NIBAN2: variants seen among roughly 807,000 people sequenced by gnomAD.
NIBAN2 encodes niban apoptosis regulator 2.
Under a neutral mutation model 81.8 loss-of-function variants are expected in NIBAN2, and 36 were observed. That is an observed-to-expected ratio of 0.44 (90% CI 0.34 to 0.58). The LOEUF (loss-of-function observed/expected upper bound fraction) is 0.58. Ranked by LOEUF, NIBAN2 falls within the 20% of genes least tolerant of loss-of-function variation. The pLI, the probability that NIBAN2 is intolerant of heterozygous loss-of-function variation, is 0.02. For missense variants in NIBAN2, 897 were observed against 1,014.1 expected, an observed-to-expected ratio of 0.88 and a Z score of 1.57; for synonymous variants, 445 against 441.6, an observed-to-expected ratio of 1.01 and a Z score of -0.10.
At chr9:127,560,100 G>T (rs1837744053) in intron 1 of NIBAN2, among the ~76,000 whole-genome samples, 1 of 152,206 alleles carries the variant, frequency 6.6e-6, no homozygotes, top group Non-Finnish European at 1.5e-5. Flanking sequence ...CCCTTGGAGG[G>T]GAAGAAGGTT....
At chr9:127,552,414 AT>A (rs1554768613) in intron 1 of NIBAN2, among the ~76,000 whole-genome samples, 4 of 151,892 alleles carry the variant, frequency 2.6e-5, no homozygotes, top group African/African-American at 9.7e-5. Context: ...CTCTACGAAA[AT>A]TTTTTTAAAA....
chr9:127,508,606 G>A lies in NIBAN2; in HGVS notation c.1318-68C>T. On this transcript the variant is annotated intron_variant, in intron 10 of 13. Transcript: ENST00000373312. The surrounding 1 kb of genome is among the most constrained non-coding windows in gnomAD (Gnocchi z 6.4). Reference sequence around the variant, plus strand: ...ACAGCCCCTTCCTGGGTGCCGCTGAGGGGTCCTCATCCTCAACCAGCCCCC... The same window carrying A: ...ACAGCCCCTTCCTGGGTGCCGCTGAAGGGTCCTCATCCTCAACCAGCCCCC... 3 of 1,339,810 alleles carry A rather than the reference G, an allele frequency of 2.2e-6. No individual in the cohort carries two copies. The highest frequency in any genetic ancestry group is 2.3e-5 in the East Asian group (1 of 43,628). The allele number at this position is 1,339,810 out of a possible 1,614,324, so 83.0% of individuals were successfully genotyped here. A position where few individuals can be genotyped will look rare whatever the true frequency, so the allele number is the denominator to read the frequency against.
At chr9:127,560,479 C>A (rs1837753983) in intron 1 of NIBAN2, among the ~76,000 whole-genome samples, 1 of 152,106 alleles carries the variant, frequency 6.6e-6, no homozygotes, top group Non-Finnish European at 1.5e-5. Context: ...ACCCTAAGGA[C>A]AAAGGCCCTT....
intron 3 of NIBAN2, among the ~76,000 whole-genome samples, chr9:127,525,966 A>C (rs1837054915): frequency 6.6e-6 from 1 of 152,186 alleles, no homozygotes; most frequent in South Asian, 2.1e-4. Flanking sequence ...AATAGCTCAT[A>C]CAGCAGGGCT....
intron 1 of NIBAN2, among the ~76,000 whole-genome samples, chr9:127,544,142 C>G (rs1837429591): frequency 6.6e-6 from 1 of 152,194 alleles, no homozygotes; most frequent in Admixed American, 6.5e-5. Flanking sequence ...CTGGGACATT[C>G]CTTGCTCGAC....
chr9:127,513,930 G>A (rs1394317356), intron 8 of NIBAN2, among the ~76,000 whole-genome samples: 3 of 152,132 alleles, frequency 2.0e-5, no homozygotes, highest in Non-Finnish European at 4.4e-5. Flanking sequence ...TAGCGCAACA[G>A]GGTGACTATA....
At position 127,506,697 on chromosome 9, in the gene NIBAN2, A is replaced by C; in HGVS notation, c.*148T>G. ...TTGACTGAACCCAATAAAGTGACTC[A>C]GGTGGGCCCGCTCCCTGGCGGTGCC... On this transcript the variant is annotated 3_prime_UTR_variant, in exon 14 of 14. Coordinates refer to ENST00000373312, the MANE Select transcript of NIBAN2 (RefSeq NM_022833.4). The C allele has an allele frequency of 7.0e-6, 4 of 568,370 alleles. No homozygotes were observed. Among genetic ancestry groups the C allele is most frequent in the Non-Finnish European group, 1.2e-5 (4 of 338,124 alleles). 35.2% of individuals were successfully genotyped at this position (568,370 alleles called of 1,614,324 possible).
upstream of NIBAN2, among the ~76,000 whole-genome samples, chr9:127,572,558 T>C (rs1286618166): frequency 6.6e-6 from 1 of 152,046 alleles, no homozygotes; most frequent in Non-Finnish European, 1.5e-5. Flanking sequence ...GAGGAGATGA[T>C]GCCTTGGGAC....
At position 127,565,782 on chromosome 9, in the gene NIBAN2, CAAAAAAAAAAAAA is replaced by C. The variant is rs34713108; in HGVS notation, c.55+3025_55+3037del. 3.7e-3 allele frequency among the ~76,000 whole-genome samples: 263 copies of C among 70,868 alleles called. 3 individuals carry two copies. The highest frequency in any genetic ancestry group is 6.2e-3 in the Non-Finnish European group (234 of 37,908). 46.5% of individuals were successfully genotyped at this position (70,868 alleles called of 152,430 possible). A position where few individuals can be genotyped will look rare whatever the true frequency, so the allele number is the denominator to read the frequency against. On this transcript the variant is annotated intron_variant, in intron 1 of 13. Coordinates refer to ENST00000373312, the MANE Select transcript of NIBAN2 (RefSeq NM_022833.4). ...TGGGACAGAGAGTGAGACTCTGTCT[CAAAAAAAAAAAAA>C]AAAAAAAAGATGTTAGTTCATGGGC... is the stretch of plus-strand genomic sequence containing the variant.
intron 1 of NIBAN2, among the ~76,000 whole-genome samples, chr9:127,578,351 T>G: frequency 3.7e-5 from 3 of 81,782 alleles, no homozygotes; most frequent in African/African-American, 5.9e-5. Flanking sequence ...TGAGACTTGG[T>G]CTCAAAAAAA....
intron 3 of NIBAN2, 33 bp from the exon 4 acceptor site, chr9:127,525,196 T>G (rs1588162202): frequency 1.3e-6 from 2 of 1,571,876 alleles, no homozygotes; most frequent in African/African-American, 1.4e-5. Flanking sequence ...TCCCTGAGGG[T>G]TAAGGTGCGG....
At chr9:127,524,742 A>G (rs4836565) in intron 4 of NIBAN2, 10,453 of 267,740 alleles carry the variant, frequency 0.039, 305 homozygotes, top group Non-Finnish European at 0.055. Context: ...AGAGAGGCCA[A>G]TGTTGTTCCC....
rs914902266 is a variant in NIBAN2 at position 127,508,318 on chromosome 9, A to G, written c.1434+104T>C. The G allele has an allele frequency of 4.8e-5, 63 of 1,312,700 alleles. No homozygotes were observed. Among genetic ancestry groups the G allele is most frequent in the Non-Finnish European group, 6.6e-5 (61 of 918,694 alleles). 81.3% of individuals were successfully genotyped at this position (1,312,700 alleles called of 1,614,324 possible). ...GAGTCCTCATCCGCACAAGAGGACCATGGCGCCTCCTTGCAGGGACAGCAA... is the reference window on the plus strand; with the variant it reads ...GAGTCCTCATCCGCACAAGAGGACCGTGGCGCCTCCTTGCAGGGACAGCAA... On this transcript the variant is annotated intron_variant, in intron 11 of 13. Transcript: ENST00000373312. This position sits in a 1 kb window ranked among gnomAD's most constrained non-coding sequence, Gnocchi z 6.4.
intron 1 of NIBAN2, among the ~76,000 whole-genome samples, chr9:127,554,409 C>T (rs369151073): frequency 6.6e-6 from 1 of 152,188 alleles, no homozygotes; most frequent in African/African-American, 2.4e-5. Flanking sequence ...TCCCTCTTCC[C>T]CGCTCCGGAG....
chr9:127,535,165 C>A (rs577248716), intron 1 of NIBAN2, among the ~76,000 whole-genome samples: 150 of 152,356 alleles, frequency 9.8e-4, no homozygotes, highest in African/African-American at 3.5e-3. Context: ...CCCAGTGCAC[C>A]CAGCCCACAG....
chr9:127,534,707 G>T (rs547595185), intron 1 of NIBAN2, among the ~76,000 whole-genome samples: 4 of 151,994 alleles, frequency 2.6e-5, no homozygotes, highest in African/African-American at 4.8e-5. Flanking sequence ...ATTCCAGTTT[G>T]GGGGGAGGAA....
intron 8 of NIBAN2, among the ~76,000 whole-genome samples, chr9:127,514,524 G>A (rs1302629618): frequency 6.6e-6 from 1 of 152,192 alleles, no homozygotes; most frequent in Non-Finnish European, 1.5e-5. Flanking sequence ...TTAGCTAGAA[G>A]TAGACAAAAA....
In NIBAN2 at chr9:127,527,236, G is replaced by C; in HGVS notation, c.273C>G (p.Leu91=). 2 of 1,614,050 alleles carry C rather than the reference G, an allele frequency of 1.2e-6. No individual in the cohort carries two copies. The highest frequency in any genetic ancestry group is 1.7e-6 in the Non-Finnish European group (2 of 1,180,030). ...DSKKWRNRFS[L]VPHNYGLVLY... ...GCACCAGCCCGTAGTTGTGGGGCAC[G>C]AGGCTGAAGCGGTTTCTCCACTTCT... Residue 91 remains leucine (L), a synonymous_variant, in exon 3 of 14, where the codon CTC becomes CTG. Coordinates refer to ENST00000373312, the MANE Select transcript of NIBAN2 (RefSeq NM_022833.4).
intron 1 of NIBAN2, among the ~76,000 whole-genome samples, chr9:127,576,447 A>G (rs1183821093): frequency 6.6e-6 from 1 of 152,132 alleles, no homozygotes; most frequent in Non-Finnish European, 1.5e-5. Flanking sequence ...GCAGACAGGC[A>G]GGGAGTGAGA....
Sources: gnomAD v4.1 joint callset for allele counts (sites outside exome capture counted in the v4.1 genomes callset) on GRCh38, gnomAD v4.1.1 for gene constraint, Gnocchi (gnomAD v3.1) non-coding constraint, MANE v1.5 for transcripts, NCBI Gene and HGNC (gene_info 2026-07-23, HGNC 2026-07-21) for gene names.